Variants in ABCE1 observed in about 807,000 individuals in gnomAD.
ABCE1 encodes the protein ATP binding cassette subfamily E member 1.
Under a neutral mutation model 83.4 loss-of-function variants are expected in ABCE1, and 22 were observed. That is an observed-to-expected ratio of 0.26 (90% CI 0.19 to 0.38). The LOEUF is 0.38. ABCE1 is among the 10% of genes least tolerant of loss of function. The pLI, the probability that ABCE1 is intolerant of heterozygous loss-of-function variation, is 1.00. For missense variants in ABCE1, 330 were observed against 721.9 expected (o/e 0.46, Z 6.22); for synonymous variants, 204 against 233.7 (o/e 0.87, Z 1.16).
intron 9 of ABCE1, among the ~76,000 whole-genome samples, chr4:145,113,894 AAAATT>A (rs1749546192): frequency 6.6e-6 from 1 of 152,118 alleles, no homozygotes; most frequent in Non-Finnish European, 1.5e-5. Flanking sequence ...GAGAGAGAAT[AAAATT>A]AAAATGTGGA....
At chr4:145,125,497 ATATTT>A (rs1387760226) in intron 17 of ABCE1, among the ~76,000 whole-genome samples, 1 of 152,076 alleles carries the variant, frequency 6.6e-6, no homozygotes, top group Admixed American at 6.6e-5. Context: ...AAAAACAACC[ATATTT>A]TATTTTAAAA....
At position 145,123,245 on chromosome 4, in the gene ABCE1, C is replaced by T. The variant is rs934084405; in HGVS notation, c.1405C>T (p.Arg469Ter). 4 of 1,609,546 alleles carry T rather than the reference C, an allele frequency of 2.5e-6. No homozygotes were observed. Among genetic ancestry groups the T allele is most frequent in the Admixed American group, 1.7e-5 (1 of 59,418 alleles). Residue 469 changes from arginine (R) to a stop codon, truncating the protein, a stop_gained, in exon 15 of 18, where the codon CGA becomes TGA. Coordinates refer to ENST00000296577, the MANE Select transcript of ABCE1 (RefSeq NM_002940.3). LOFTEE classifies it high-confidence loss of function. ...GACATTATCTGGTGGTGAACTACAG[C>T]GAGTAGCTTTAGCCCTTTGCTTGGG... ...VQTLSGGELQ[R>*]VALALCLGKP...
chr4:145,108,450 C>A (rs1190926456), intron 4 of ABCE1, among the ~76,000 whole-genome samples: 1 of 152,056 alleles, frequency 6.6e-6, no homozygotes, highest in East Asian at 1.9e-4. Context: ...TACCCTTATC[C>A]CCAAAATAAC....
intron 10 of ABCE1, among the ~76,000 whole-genome samples, chr4:145,118,528 T>C (rs1749663162): frequency 6.6e-6 from 1 of 151,784 alleles, no homozygotes; most frequent in Non-Finnish European, 1.5e-5. Context: ...AATTTATTAA[T>C]GTTTTATTCT....
At position 145,104,511 on chromosome 4, in the gene ABCE1, A is replaced by C. The variant is rs754877590; in HGVS notation, c.99A>C (p.Arg33=). 8.2e-6 allele frequency: 13 copies of C among 1,585,794 alleles called. No individual in the cohort carries two copies. The Admixed American group carries it at 2.3e-4, about 28-fold the overall frequency. Residue 33 remains arginine, a synonymous_variant, in exon 2 of 18, where the codon CGA becomes CGC. Coordinates refer to ENST00000296577, the MANE Select transcript of ABCE1 (RefSeq NM_002940.3). ...GCAAAAAGAGTTGTCCTGTAGTTCG[A>C]ATGGGTAAGCTGTTCTGTGGATCAT... ...QECKKSCPVV[R]MGKLCIEVTP...
chr4:145,109,536 T>A (rs34888298), intron 5 of ABCE1, among the ~76,000 whole-genome samples: 1 of 152,306 alleles, frequency 6.6e-6, no homozygotes, highest in Non-Finnish European at 1.5e-5. Context: ...TAAAAATAGC[T>A]CAATTAGTTT....
chr4:145,104,687 G>A (rs1466113863), intron 2 of ABCE1, among the ~76,000 whole-genome samples, 172 bp downstream of exon 2: 2 of 152,058 alleles, frequency 1.3e-5, no homozygotes, highest in Admixed American at 6.6e-5. Flanking sequence ...CTTTGTGACT[G>A]AAGGATCATA....
chr4:145,102,362 A>G (rs763586839), intron 1 of ABCE1, among the ~76,000 whole-genome samples: 8 of 152,214 alleles, frequency 5.3e-5, no homozygotes, highest in Non-Finnish European at 1.2e-4. Flanking sequence ...GGGGTCAGAT[A>G]ATAGAATGCC....
intron 10 of ABCE1, among the ~76,000 whole-genome samples, 184 bp downstream of exon 10, chr4:145,117,598 T>G (rs144166271): frequency 1.1e-4 from 16 of 152,006 alleles, no homozygotes; most frequent in African/African-American, 3.4e-4. Flanking sequence ...TATATTTTTT[T>G]CATTTTGGAG....
At chr4:145,124,624 T>C (rs995885044) in intron 16 of ABCE1, among the ~76,000 whole-genome samples, 5 of 152,210 alleles carry the variant, frequency 3.3e-5, no homozygotes, top group African/African-American at 9.6e-5. Context: ...CATATAAATA[T>C]AACTTTTTAA....
rs756987874 is a variant in ABCE1, at chr4:145,121,669, C to T, written c.1263+278C>T. The T allele has an allele frequency of 2.6e-4, 73 of 282,624 alleles. 1 individual carries two copies. Among genetic ancestry groups the T allele is most frequent in the Non-Finnish European group, 3.9e-4 (58 of 147,842 alleles). 17.5% of individuals were successfully genotyped at this position (282,624 alleles called of 1,614,324 possible). On this transcript the variant is annotated intron_variant, in intron 13 of 17. Transcript: ENST00000296577. ...CCAGCAGATCACGAGGTCAGGAGAT[C>T]GAGACCATCCTGGCTAACATGGTGA...
intron 1 of ABCE1, among the ~76,000 whole-genome samples, chr4:145,100,185 T>C (rs1198610443): frequency 2.6e-5 from 4 of 152,160 alleles, no homozygotes; most frequent in African/African-American, 4.8e-5. Context: ...TTCTGGTATG[T>C]TTTTATTCTA....
chr4:145,104,344 C>T (rs1749240202), intron 1 of ABCE1, 42 bp from the exon 2 acceptor site: 3 of 925,414 alleles, frequency 3.2e-6, no homozygotes, highest in Admixed American at 2.5e-5. Context: ...AAATTAGTTC[C>T]CTTAACTAAT....
In ABCE1 at chr4:145,128,217, C is replaced by T. The variant is rs1749945884; in HGVS notation, c.*644C>T. The T allele has an allele frequency of 6.6e-6, 1 of 152,512 alleles. No individual in the cohort carries two copies. The highest frequency in any genetic ancestry group is 2.1e-4 in the South Asian group (1 of 4,820). The allele number at this position is 152,512 out of a possible 1,614,324, so 9.4% of individuals were successfully genotyped here. ...AAAACCAATTCAGTTCCATTCCCCG[C>T]AAAAAACCCCTAACTTTACTCTGAA... On this transcript the variant is annotated 3_prime_UTR_variant, in exon 18 of 18. Transcript: ENST00000296577.
At chr4:145,122,035 G>C (rs1181039703) in intron 13 of ABCE1, 1 of 152,106 alleles carries the variant, frequency 6.6e-6, no homozygotes, top group Non-Finnish European at 1.5e-5. Context: ...TAAAGGACTT[G>C]TATCCAGCAT....
chr4:145,098,500 C>T (rs1335313154), intron 1 of ABCE1, 81 bp downstream of exon 1: 1 of 152,352 alleles, frequency 6.6e-6, no homozygotes, highest in East Asian at 1.9e-4. Flanking sequence ...TCTCCGAGAG[C>T]CTTTGGTTAG....
In ABCE1 at chr4:145,125,211, G is replaced by C. The variant is rs954990145; in HGVS notation, c.1752+110G>C. ...GCTGGGCACAGTGGCTCACACCTGT[G>C]ATTCAAGCACTTTTGGGAGGCCAAG... On this transcript the variant is annotated intron_variant, in intron 17 of 17. Transcript: ENST00000296577. 2.1e-5 allele frequency: 16 copies of C among 755,918 alleles called. No individual in the cohort carries two copies. The African/African-American group carries it at 2.7e-4, about 13-fold the overall frequency. The allele number at this position is 755,918 out of a possible 1,614,324, so 46.8% of individuals were successfully genotyped here. A position where few individuals can be genotyped will look rare whatever the true frequency, so the allele number is the denominator to read the frequency against.
chr4:145,118,154 G>A (rs1472064597), intron 10 of ABCE1, among the ~76,000 whole-genome samples: 3 of 151,336 alleles, frequency 2.0e-5, no homozygotes, highest in Middle Eastern at 3.5e-3. Flanking sequence ...CACTAAAAGG[G>A]CTGTTTACTC....
At chr4:145,116,188 G>A (rs1480303333) in intron 9 of ABCE1, among the ~76,000 whole-genome samples, 6 of 151,900 alleles carry the variant, frequency 3.9e-5, no homozygotes, top group Admixed American at 2.6e-4. Flanking sequence ...GCATTCTTCA[G>A]TGTTTCCTGT....
Sources: gnomAD v4.1 joint callset for allele counts (sites outside exome capture counted in the v4.1 genomes callset) on GRCh38, gnomAD v4.1.1 for gene constraint, MANE v1.5 for transcripts, NCBI Gene and HGNC (gene_info 2026-07-23, HGNC 2026-07-21) for gene names.